Variants in SGSM2 observed in about 807,000 individuals in gnomAD.
The protein encoded by SGSM2 is RUN and TBC1 domain containing 1.
In SGSM2, 89 loss-of-function variants were observed where a neutral mutation model predicts 126.6. That is an observed-to-expected ratio of 0.70 (90% CI 0.59 to 0.84). The LOEUF (loss-of-function observed/expected upper bound fraction) is 0.84, where lower values mean the gene tolerates loss of function less well. Ranked by LOEUF, SGSM2 falls within the 40% of genes least tolerant of loss-of-function variation. The pLI is 0.00. For synonymous variants in SGSM2, 614 were observed against 574.3 expected (o/e 1.07, Z -0.99); for missense variants, 1,404 against 1,416.6 (o/e 0.99, Z 0.14).
At chr17:2,360,823 G>A (rs2065277872) in intron 2 of SGSM2, among the ~76,000 whole-genome samples, 1 of 152,260 alleles carries the variant, frequency 6.6e-6, no homozygotes, top group Non-Finnish European at 1.5e-5. Flanking sequence ...GAGGCTTGGA[G>A]CCCTGGGTCC....
In SGSM2 at chr17:2,376,231, A is replaced by G. The variant is rs1335287890; in HGVS notation, c.2579A>G (p.Asn860Ser). 6.2e-7 allele frequency: 1 copy of G among 1,607,486 alleles called. No individual in the cohort carries two copies. The highest frequency in any genetic ancestry group is 1.7e-5 in the Admixed American group (1 of 59,768). Reference protein sequence around the residue: ...DRNYWYFTPPNLERLRDVMCS... With the variant: ...DRNYWYFTPPSLERLRDVMCS... ...AACTACTGGTACTTCACGCCCCCCA[A>G]CCTCGAGAGGCTCAGAGACGTCATG... Residue 860 changes from asparagine (N) to serine (S), a missense_variant, in exon 19 of 24, where the codon AAC becomes AGC. Transcript: ENST00000268989.
At chr17:2,341,945 G>T (rs566831361) in intron 1 of SGSM2, among the ~76,000 whole-genome samples, 30 of 152,268 alleles carry the variant, frequency 2.0e-4, no homozygotes, top group African/African-American at 7.2e-4. Context: ...CCCAAACGCC[G>T]GGTGTTTGTA....
At chr17:2,374,965 T>C (rs2066058220) in intron 17 of SGSM2, 1 of 152,684 alleles carries the variant, frequency 6.5e-6, no homozygotes, top group Non-Finnish European at 1.5e-5. Context: ...TTGCTTTTCC[T>C]TCCTACATCT....
chr17:2,363,776 G>A lies in SGSM2; in HGVS notation c.807+177G>A. 1 of 1,026,774 alleles carries A rather than the reference G, an allele frequency of 9.7e-7. No individual in the cohort carries two copies. Among genetic ancestry groups the A allele is most frequent in the Non-Finnish European group, 1.4e-6 (1 of 718,254 alleles). 63.6% of individuals were successfully genotyped at this position (1,026,774 alleles called of 1,614,324 possible). A position where few individuals can be genotyped will look rare whatever the true frequency, so the allele number is the denominator to read the frequency against. On this transcript the variant is annotated intron_variant, in intron 7 of 23. Coordinates refer to ENST00000268989, the MANE Select transcript of SGSM2 (RefSeq NM_014853.3). The surrounding 1 kb of genome is among the most constrained non-coding windows in gnomAD (Gnocchi z 4.2). ...CACGCCCAGCCTTTAGTTGGCAGGGGACAGGAATGGCAGCCAGCAGGCGAG... is the reference window on the plus strand; with the variant it reads ...CACGCCCAGCCTTTAGTTGGCAGGGAACAGGAATGGCAGCCAGCAGGCGAG...
At chr17:2,350,108 G>C (rs2064786716) in intron 2 of SGSM2, among the ~76,000 whole-genome samples, 1 of 151,786 alleles carries the variant, frequency 6.6e-6, no homozygotes, top group Non-Finnish European at 1.5e-5. Context: ...TTTTAGTAGA[G>C]ATGGGATTTC....
intron 19 of SGSM2, 23 bp downstream of exon 19, chr17:2,376,284 G>C: frequency 5.6e-6 from 9 of 1,609,038 alleles, no homozygotes; most frequent in Non-Finnish European, 7.6e-6. Flanking sequence ...GCGGGGCTCA[G>C]GGTGGGAGGC....
At chr17:2,359,513 T>C (rs2065223524) in intron 2 of SGSM2, among the ~76,000 whole-genome samples, 1 of 152,088 alleles carries the variant, frequency 6.6e-6, no homozygotes, top group East Asian at 1.9e-4. Context: ...AGAAGGAAAT[T>C]AGGGACCGTG....
chr17:2,363,375 C>T lies in SGSM2; in HGVS notation c.673-90C>T, dbSNP rs1296703218. On this transcript the variant is annotated intron_variant, in intron 6 of 23. Coordinates refer to ENST00000268989, the MANE Select transcript of SGSM2 (RefSeq NM_014853.3). The surrounding 1 kb of genome is among the most constrained non-coding windows in gnomAD (Gnocchi z 4.2). ...GGGCAGGAAGGACCCCTGGGGTCAGCTGGAGAGGGTCAGCATGGAAGCGTG... is the reference window on the plus strand; with the variant it reads ...GGGCAGGAAGGACCCCTGGGGTCAGTTGGAGAGGGTCAGCATGGAAGCGTG... 1.3e-6 allele frequency: 2 copies of T among 1,578,030 alleles called. No individual in the cohort carries two copies. Among genetic ancestry groups the T allele is most frequent in the African/African-American group, 1.4e-5 (1 of 74,068 alleles).
At chr17:2,376,592 T>A (rs1177977347) in intron 19 of SGSM2, 141 bp from the exon 20 acceptor site, 3 of 917,122 alleles carry the variant, frequency 3.3e-6, no homozygotes, top group Non-Finnish European at 5.1e-6. Context: ...TGTCTCCCTG[T>A]GGGGGGTGCA....
intron 1 of SGSM2, among the ~76,000 whole-genome samples, chr17:2,338,516 G>C (rs533939953): frequency 3.3e-5 from 5 of 152,180 alleles, no homozygotes; most frequent in Admixed American, 2.6e-4. Context: ...GCGCAGCTTA[G>C]AATACATTGG....
rs772491217 is a variant in SGSM2 at position 2,377,004 on chromosome 17, G to A, written c.2738G>A (p.Ser913Asn). The change falls in exon 21 of 24, where the codon AGC (serine) becomes AAC (asparagine). Residue 913 changes from serine (S) to asparagine (N), a missense_variant. Ser to Asn is a conservative substitution (Grantham distance 46). Transcript: ENST00000268989. Reference protein sequence around the residue: ...SCFSHLMKRMSQNFPNGGAMD... With the variant: ...SCFSHLMKRMNQNFPNGGAMD... ...TTCAGCCACCTCATGAAGAGGATGA[G>A]CCAGAACTTCCCCAACGGGGGTGCC... 5.0e-6 allele frequency: 8 copies of A among 1,613,890 alleles called. No individual in the cohort carries two copies. The highest frequency in any genetic ancestry group is 5.9e-6 in the Non-Finnish European group (7 of 1,179,972).
intron 21 of SGSM2, chr17:2,377,362 T>C (rs2066216064): frequency 6.7e-6 from 2 of 296,800 alleles, no homozygotes; most frequent in Non-Finnish European, 1.3e-5. Context: ...CACACACCTG[T>C]AGTCCCAGCT....
intron 2 of SGSM2, among the ~76,000 whole-genome samples, chr17:2,356,980 A>G (rs1424517139): frequency 2.0e-5 from 3 of 149,762 alleles, no homozygotes; most frequent in South Asian, 2.1e-4. Context: ...AGGGTTAGGG[A>G]AGGGACCCCA....
At chr17:2,348,067 G>A (rs1332003378) in intron 2 of SGSM2, among the ~76,000 whole-genome samples, 1 of 152,194 alleles carries the variant, frequency 6.6e-6, no homozygotes, top group African/African-American at 2.4e-5. Flanking sequence ...AATCTGTGGA[G>A]CCGGGAATAA....
chr17:2,376,316 CTG>C, intron 19 of SGSM2, 55 bp downstream of exon 19: 2 of 1,502,880 alleles, frequency 1.3e-6, no homozygotes, highest in South Asian at 2.5e-5. Flanking sequence ...GCCAGTTACT[CTG>C]TGAAGATGAG....
At chr17:2,345,330 C>A (rs1336749266) in intron 2 of SGSM2, among the ~76,000 whole-genome samples, 1 of 151,886 alleles carries the variant, frequency 6.6e-6, no homozygotes, top group African/African-American at 2.4e-5. Flanking sequence ...GGCGTGGTGG[C>A]GGGCGCCTGT....
At chr17:2,375,345 G>T in intron 17 of SGSM2, 147 bp from the exon 18 acceptor site, 2 of 999,932 alleles carry the variant, frequency 2.0e-6, no homozygotes, top group South Asian at 1.8e-5. Context: ...AAGCTGGCTT[G>T]GTGCCCCGTG....
At chr17:2,348,274 C>G (rs922415628) in intron 2 of SGSM2, among the ~76,000 whole-genome samples, 3 of 152,140 alleles carry the variant, frequency 2.0e-5, no homozygotes, top group African/African-American at 7.2e-5. Context: ...GATTTGGACT[C>G]CAGGCAGTCT....
intron 2 of SGSM2, among the ~76,000 whole-genome samples, chr17:2,348,403 G>T (rs937669800): frequency 6.6e-6 from 1 of 152,124 alleles, no homozygotes; most frequent in Non-Finnish European, 1.5e-5. Flanking sequence ...GGAGGAGCGG[G>T]TTCCTCCTCC....
Sources: gnomAD v4.1 joint callset for allele counts (sites outside exome capture counted in the v4.1 genomes callset) on GRCh38, gnomAD v4.1.1 for gene constraint, Gnocchi (gnomAD v3.1) non-coding constraint, MANE v1.5 for transcripts, NCBI Gene and HGNC (gene_info 2026-07-23, HGNC 2026-07-21) for gene names.